DENND2B: variants seen among roughly 807,000 people sequenced by gnomAD.
DENND2B encodes DENN domain containing 2B.
A neutral mutation model predicts 116.0 loss-of-function variants in DENND2B; 32 were observed. That is an observed-to-expected ratio of 0.28 (90% CI 0.21 to 0.37). DENND2B has a LOEUF of 0.37. Ranked by LOEUF, DENND2B falls within the 10% of genes least tolerant of loss-of-function variation. The probability of loss-of-function intolerance (pLI) is 1.00; values close to 1 mark genes in which losing one functional copy is unlikely to be tolerated. For missense variants in DENND2B, 1,276 were observed against 1,477.7 expected (o/e 0.86, Z 2.24); for synonymous variants, 588 against 583.9 (o/e 1.01, Z -0.10).
intron 11 of DENND2B, among the ~76,000 whole-genome samples, chr11:8,709,751 GATA>G (rs1479405652): frequency 6.6e-6 from 1 of 152,184 alleles, no homozygotes; most frequent in African/African-American, 2.4e-5. Flanking sequence ...ATGGATCAGG[GATA>G]ATAATAACCC....
At chr11:8,811,181 G>A, upstream of DENND2B, 1 of 397,932 alleles carries the variant, frequency 2.5e-6, no homozygotes, top group Non-Finnish European at 4.4e-6. Context: ...GATTTTTCCG[G>A]GCAGCAGTTG....
intron 3 of DENND2B, among the ~76,000 whole-genome samples, chr11:8,850,461 C>A (rs2062966267): frequency 6.6e-6 from 1 of 151,818 alleles, no homozygotes; most frequent in Admixed American, 6.6e-5. Flanking sequence ...CATCACTAAT[C>A]ATCAGGGAAA....
intron 3 of DENND2B, among the ~76,000 whole-genome samples, chr11:8,854,422 A>C (rs1373118660): frequency 6.6e-6 from 1 of 151,178 alleles, no homozygotes; most frequent in Non-Finnish European, 1.5e-5. Flanking sequence ...GGCTGATCTC[A>C]AACTCCTGAC....
intron 1 of DENND2B, among the ~76,000 whole-genome samples, chr11:8,892,949 G>T (rs576312875): frequency 7.9e-5 from 12 of 152,238 alleles, no homozygotes; most frequent in Admixed American, 7.8e-4. Flanking sequence ...AACAAAAAAA[G>T]AGAATTTTAG....
In DENND2B at chr11:8,712,439, G is replaced by T; in HGVS notation, c.2172+112C>A. 1 of 1,249,288 alleles carries T rather than the reference G, an allele frequency of 8.0e-7. No homozygotes were observed. 77.4% of individuals were successfully genotyped at this position (1,249,288 alleles called of 1,614,324 possible). Reference sequence around the variant, plus strand: ...AGGAGGCAGGTTCAGGGCTGTGGCAGCTCGGTGAGGACGTATGACGAACAA... The same window carrying T: ...AGGAGGCAGGTTCAGGGCTGTGGCATCTCGGTGAGGACGTATGACGAACAA... On this transcript the variant is annotated intron_variant, in intron 9 of 19. Transcript: ENST00000313726. The surrounding 1 kb of genome is among the most constrained non-coding windows in gnomAD (Gnocchi z 4.4).
Position 8,707,635 on chromosome 11 carries a change from GA to G in DENND2B, c.2430+141del. On this transcript the variant is annotated intron_variant, in intron 12 of 19. Transcript: ENST00000313726. The surrounding 1 kb of genome is among the most constrained non-coding windows in gnomAD (Gnocchi z 4.8). ...GGCCGGGGAATGGGAGGGTGTCAGA[GA>G]GCTCACTGGTACTTGTTCCTGCATT... 3.8e-6 allele frequency: 3 copies of G among 796,932 alleles called. No homozygotes were observed. The allele number at this position is 796,932 out of a possible 1,614,324, so 49.4% of individuals were successfully genotyped here.
At chr11:8,909,437 G>GAA (rs1566097885) in intron 1 of DENND2B, among the ~76,000 whole-genome samples, 4 of 148,760 alleles carry the variant, frequency 2.7e-5, no homozygotes, top group Admixed American at 1.3e-4. Context: ...AGGAGGAGGA[G>GAA]GAAGAAGGAG....
upstream of DENND2B, chr11:8,871,546 A>C (rs964277147): frequency 9.2e-5 from 14 of 152,108 alleles, no homozygotes; most frequent in African/African-American, 3.4e-4. Flanking sequence ...GCCTTCAAAC[A>C]AACCGATGAG....
intron 1 of DENND2B, among the ~76,000 whole-genome samples, chr11:8,772,844 G>A (rs1241635774): frequency 6.6e-6 from 1 of 152,114 alleles, no homozygotes; most frequent in African/African-American, 2.4e-5. Context: ...TTCCAGGGGT[G>A]AGTGGCAATC....
chr11:8,801,994 GGAA>G (rs374815188), intron 1 of DENND2B, among the ~76,000 whole-genome samples: 48 of 121,138 alleles, frequency 4.0e-4, no homozygotes, highest in South Asian at 1.5e-3. Flanking sequence ...CCTCTCTTGG[GGAA>G]AAAAAAAAAA....
intron 4 of DENND2B, among the ~76,000 whole-genome samples, chr11:8,836,578 T>C (rs1371228039): frequency 3.3e-5 from 5 of 151,816 alleles, no homozygotes; most frequent in Non-Finnish European, 7.4e-5. Context: ...TTCGCCACCA[T>C]ACCCGGCTAA....
intron 4 of DENND2B, among the ~76,000 whole-genome samples, chr11:8,819,537 C>T (rs1473601318): frequency 2.0e-5 from 3 of 152,152 alleles, no homozygotes; most frequent in Admixed American, 6.5e-5. Flanking sequence ...AAGTGATCAA[C>T]GTTAACACCA....
At chr11:8,906,255 G>A (rs1404125809) in intron 1 of DENND2B, among the ~76,000 whole-genome samples, 4 of 147,088 alleles carry the variant, frequency 2.7e-5, no homozygotes, top group African/African-American at 5.0e-5. Flanking sequence ...ACCCAGGCTG[G>A]GGTGCAGTGG....
intron 1 of DENND2B, among the ~76,000 whole-genome samples, chr11:8,772,585 ATAG>A (rs1565913734): frequency 6.6e-6 from 1 of 152,128 alleles, no homozygotes; most frequent in Non-Finnish European, 1.5e-5. Flanking sequence ...TATCATACTA[ATAG>A]TAGAGTGAGT....
At chr11:8,869,147 CT>C (rs1292244461) in intron 2 of DENND2B, among the ~76,000 whole-genome samples, 1 of 152,198 alleles carries the variant, frequency 6.6e-6, no homozygotes, top group Non-Finnish European at 1.5e-5. Context: ...TGTCACTTCT[CT>C]TTCCCCAAGG....
chr11:8,788,856 G>C (rs569238515), intron 1 of DENND2B, among the ~76,000 whole-genome samples: 1 of 152,260 alleles, frequency 6.6e-6, no homozygotes, highest in South Asian at 2.1e-4. Context: ...AACTTGGCCA[G>C]GCCTCTGTTC....
At chr11:8,806,079 C>T (rs545936658) in intron 1 of DENND2B, among the ~76,000 whole-genome samples, 2 of 152,162 alleles carry the variant, frequency 1.3e-5, no homozygotes, top group African/African-American at 2.4e-5. Flanking sequence ...GCCCTTCTCT[C>T]GATTACCACC....
upstream of DENND2B, among the ~76,000 whole-genome samples, chr11:8,872,755 C>T (rs1361064894): frequency 6.6e-6 from 1 of 152,142 alleles, no homozygotes; most frequent in Non-Finnish European, 1.5e-5. Flanking sequence ...TGAGTTGCTT[C>T]TACATTAGGA....
Position 8,702,529 on chromosome 11 carries a change from C to A in DENND2B, c.2720+43G>T, listed in dbSNP as rs1353189764. ...ACTTGCTGATTCGCTTGTGGGTGTG[C>A]CTTCCCCCCTCCCTTCTGCTTTCTT... On this transcript the variant is annotated intron_variant, in intron 14 of 19. Coordinates refer to ENST00000313726, the MANE Select transcript of DENND2B (RefSeq NM_213618.2). The surrounding 1 kb of genome is among the most constrained non-coding windows in gnomAD (Gnocchi z 4.6). The A allele has an allele frequency of 6.2e-7, 1 of 1,604,850 alleles. No individual in the cohort carries two copies. The highest frequency in any genetic ancestry group is 1.1e-5 in the South Asian group (1 of 91,004).
Sources: gnomAD v4.1 joint callset for allele counts (sites outside exome capture counted in the v4.1 genomes callset) on GRCh38, gnomAD v4.1.1 for gene constraint, Gnocchi (gnomAD v3.1) non-coding constraint, MANE v1.5 for transcripts, NCBI Gene and HGNC (gene_info 2026-07-23, HGNC 2026-07-21) for gene names.